Variants in SLC9A9 observed in about 807,000 individuals in gnomAD.
SLC9A9 encodes the protein sodium/hydrogen exchanger 9.
In SLC9A9, 62 loss-of-function variants were observed where a neutral mutation model predicts 77.8. The ratio of observed to expected loss-of-function variants is 0.80; its 90% confidence interval spans 0.65 to 0.98. The LOEUF (loss-of-function observed/expected upper bound fraction) is 0.98, where lower values mean the gene tolerates loss of function less well. Among genes scored for constraint, SLC9A9 ranks in the 50% least tolerant of loss-of-function variants. The probability of loss-of-function intolerance (pLI) is 0.00; values close to 1 mark genes in which losing one functional copy is unlikely to be tolerated. For missense variants in SLC9A9, 775 were observed against 774.9 expected (o/e 1.00, Z 0.00); for synonymous variants, 320 against 283.5 (o/e 1.13, Z -1.29).
chr3:143,325,173 C>T (rs1381991539), intron 14 of SLC9A9, among the ~76,000 whole-genome samples: 1 of 151,554 alleles, frequency 6.6e-6, no homozygotes, highest in African/African-American at 2.4e-5. Context: ...TTGAATTTGT[C>T]TTTATTGGCT....
At chr3:143,339,566 A>G (rs1267694588) in intron 14 of SLC9A9, among the ~76,000 whole-genome samples, 1 of 152,186 alleles carries the variant, frequency 6.6e-6, no homozygotes, top group Non-Finnish European at 1.5e-5. Context: ...GTTCCTTAAC[A>G]TAAATAAATT....
chr3:143,270,354 T>C (rs1937864272), intron 14 of SLC9A9, among the ~76,000 whole-genome samples: 1 of 152,170 alleles, frequency 6.6e-6, no homozygotes. Context: ...ATCCAAAGGC[T>C]CCCTCTGCTA....
At chr3:143,296,838 GAGAAA>G (rs2030292403) in intron 14 of SLC9A9, among the ~76,000 whole-genome samples, 10 of 152,166 alleles carry the variant, frequency 6.6e-5, no homozygotes, top group African/African-American at 2.4e-4. Flanking sequence ...GTCTTCTTCA[GAGAAA>G]TATCAAGTCC....
intron 5 of SLC9A9, among the ~76,000 whole-genome samples, chr3:143,657,341 A>G (rs1017741994): frequency 6.6e-6 from 1 of 152,200 alleles, no homozygotes; most frequent in Non-Finnish European, 1.5e-5. Flanking sequence ...TCAATATGCT[A>G]TATCATTTTG....
intron 12 of SLC9A9, among the ~76,000 whole-genome samples, chr3:143,464,139 C>G (rs1007841889): frequency 6.6e-6 from 1 of 152,144 alleles, no homozygotes; most frequent in Non-Finnish European, 1.5e-5. Flanking sequence ...TTCAATATCA[C>G]GTTTGTCTTC....
intron 4 of SLC9A9, among the ~76,000 whole-genome samples, chr3:143,782,027 C>T (rs992040092): frequency 5.9e-5 from 9 of 152,232 alleles, no homozygotes; most frequent in Non-Finnish European, 1.0e-4. Context: ...GAACACTGGA[C>T]ATTTCTCACT....
intron 4 of SLC9A9, among the ~76,000 whole-genome samples, chr3:143,732,549 G>A (rs552894262): frequency 6.6e-6 from 1 of 152,322 alleles, no homozygotes; most frequent in African/African-American, 2.4e-5. Flanking sequence ...CTGTCTCAAT[G>A]AGACCCATGA....
At chr3:143,841,404 G>A (rs2108897690) in intron 1 of SLC9A9, among the ~76,000 whole-genome samples, 1 of 152,278 alleles carries the variant, frequency 6.6e-6, no homozygotes, top group African/African-American at 2.4e-5. Context: ...TATGTAAAGT[G>A]CTTATAATAG....
At chr3:143,637,011 C>G (rs1399496122) in intron 6 of SLC9A9, among the ~76,000 whole-genome samples, 1 of 152,100 alleles carries the variant, frequency 6.6e-6, no homozygotes, top group East Asian at 1.9e-4. Context: ...AATGTAAATT[C>G]AAAAATAAGA....
At chr3:143,721,213 A>G (rs1388286711) in intron 4 of SLC9A9, among the ~76,000 whole-genome samples, 1 of 152,098 alleles carries the variant, frequency 6.6e-6, no homozygotes, top group African/African-American at 2.4e-5. Flanking sequence ...AAAAGTCCAC[A>G]TTACCAGGTA....
chr3:143,363,459 T>G, intron 14 of SLC9A9, 25 bp downstream of exon 14: 606 of 1,593,440 alleles, frequency 3.8e-4, no homozygotes, highest in Non-Finnish European at 4.7e-4. Context: ...GCAGGATCTG[T>G]GAGATCGTTA....
chr3:143,703,142 C>A (rs374120618), intron 4 of SLC9A9, among the ~76,000 whole-genome samples: 1 of 152,118 alleles, frequency 6.6e-6, no homozygotes, highest in East Asian at 1.9e-4. Context: ...CAACATCCCA[C>A]TTTCAGTCTT....
intron 5 of SLC9A9, among the ~76,000 whole-genome samples, chr3:143,684,304 G>A (rs1933192748): frequency 6.6e-6 from 1 of 151,880 alleles, no homozygotes; most frequent in Non-Finnish European, 1.5e-5. Flanking sequence ...ATCCTATTAA[G>A]CACTTGTGTA....
At chr3:143,625,844 G>C (rs2038314169) in intron 6 of SLC9A9, among the ~76,000 whole-genome samples, 1 of 152,186 alleles carries the variant, frequency 6.6e-6, no homozygotes, top group South Asian at 2.1e-4. Context: ...CAGAATGGGA[G>C]AAAATTTTTC....
chr3:143,587,824 C>T (rs1054124027), intron 6 of SLC9A9, among the ~76,000 whole-genome samples: 3 of 152,240 alleles, frequency 2.0e-5, no homozygotes, highest in Middle Eastern at 3.4e-3. Flanking sequence ...ACCACCTAAA[C>T]GAGACCTGAC....
chr3:143,455,194 T>A (rs966684552), intron 12 of SLC9A9, among the ~76,000 whole-genome samples: 1 of 152,314 alleles, frequency 6.6e-6, no homozygotes, highest in Middle Eastern at 3.4e-3. Flanking sequence ...GCCATTGAAT[T>A]GTTTGTTAAC....
chr3:143,794,905 T>C (rs2008332353), intron 4 of SLC9A9, 96 bp downstream of exon 4: 9 of 1,171,742 alleles, frequency 7.7e-6, no homozygotes, highest in South Asian at 3.7e-5. Context: ...AAAAAGACAA[T>C]TTTCCCAGCC....
At chr3:143,409,668 T>C (rs1195956652) in intron 12 of SLC9A9, among the ~76,000 whole-genome samples, 5 of 152,254 alleles carry the variant, frequency 3.3e-5, no homozygotes, top group Admixed American at 2.6e-4. Flanking sequence ...GCATTTTCTC[T>C]GCCTGGTTCT....
chr3:143,265,891 AG>A lies in SLC9A9; in HGVS notation c.*810del, dbSNP rs996313045. 12 of 603,190 alleles carry A rather than the reference AG, an allele frequency of 2.0e-5. No homozygotes were observed. Among genetic ancestry groups the A allele is most frequent in the Admixed American group, 5.6e-5 (2 of 35,960 alleles). The allele number at this position is 603,190 out of a possible 1,614,324, so 37.4% of individuals were successfully genotyped here. The stretch of plus-strand genomic sequence containing the variant: ...TCCTACCCTCCAGCATATCGCGGGG[AG>A]GGGGGGACCTGCTGCACAGCCAAGA... On this transcript the variant is annotated 3_prime_UTR_variant, in exon 16 of 16. Coordinates refer to ENST00000316549, the MANE Select transcript of SLC9A9 (RefSeq NM_173653.4).
Sources: allele counts gnomAD v4.1 joint callset (sites outside exome capture counted in the v4.1 genomes callset), GRCh38; gene constraint gnomAD v4.1.1; transcripts MANE v1.5; gene names NCBI Gene and HGNC (gene_info 2026-07-23, HGNC 2026-07-21).